ADAMTS5: variants seen among roughly 807,000 people sequenced by gnomAD.
The protein encoded by ADAMTS5 is A disintegrin and metalloproteinase with thrombospondin motifs 5.
A neutral mutation model predicts 81.4 loss-of-function variants in ADAMTS5; 54 were observed. The ratio of observed to expected loss-of-function variants is 0.66; its 90% CI spans 0.53 to 0.83. ADAMTS5 has a LOEUF of 0.83. ADAMTS5 is among the 40% of genes least tolerant of loss of function. The pLI, the probability that ADAMTS5 is intolerant of heterozygous loss-of-function variation, is 0.00. For synonymous variants in ADAMTS5, 532 were observed against 508.8 expected (o/e 1.05, Z -0.61); for missense variants, 1,194 against 1,229.9 (o/e 0.97, Z 0.44).
chr21:26,927,857 C>T (rs1986832863), intron 7 of ADAMTS5, among the ~76,000 whole-genome samples: 1 of 151,698 alleles, frequency 6.6e-6, no homozygotes, highest in Non-Finnish European at 1.5e-5. Flanking sequence ...GTGAGGGGCA[C>T]CCAGATTCTG....
At chr21:26,944,085 A>G (rs950043257) in intron 2 of ADAMTS5, among the ~76,000 whole-genome samples, 7 of 152,154 alleles carry the variant, frequency 4.6e-5, no homozygotes, top group African/African-American at 1.7e-4. Flanking sequence ...AAAAGGGAGG[A>G]CTAGGGGAGA....
rs756787283 is a variant in ADAMTS5 at position 26,934,687 on chromosome 21, T to A, written c.1468A>T (p.Thr490Ser). Residue 490 changes from threonine (T) to serine (S), a missense_variant, in exon 4 of 8, where the codon ACC (threonine) becomes TCC (serine). Around this residue, in one of 2 missense-constraint regions of ADAMTS5, gnomAD observed 696 missense variants for 817.6 expected, o/e 0.85. Coordinates refer to ENST00000284987, the MANE Select transcript of ADAMTS5 (RefSeq NM_007038.5). ...TTGCACTGCTGGGTGGCATCGTAGG[T>A]CTGTCCTGGGAGTTCTTCGGGGCCC... ...ILGPEELPGQTYDATQQCNLT... is the reference protein window; with the variant it reads ...ILGPEELPGQSYDATQQCNLT... 6.2e-7 allele frequency: 1 copy of A among 1,614,168 alleles called. No individual in the cohort carries two copies. Among genetic ancestry groups the A allele is most frequent in the South Asian group, 1.1e-5 (1 of 91,086 alleles).
chr21:26,966,197 C>A lies in ADAMTS5; in HGVS notation c.195G>T (p.Ala65=). ...AEPPGHPHPL[A]QRRRSKGLVQ... is the part of the protein sequence containing the mutation. The stretch of plus-strand genomic sequence containing the variant: ...CCAGCCCCTTGCTCCTGCGCCGCTG[C>A]GCCAGGGGGTGCGGGTGGCCGGGAG... The change falls in exon 1 of 8, where the codon GCG becomes GCT. Residue 65 remains alanine (A), a synonymous_variant. Coordinates refer to ENST00000284987, the MANE Select transcript of ADAMTS5 (RefSeq NM_007038.5). The A allele has an allele frequency of 6.3e-7, 1 of 1,597,760 alleles. No homozygotes were observed. The highest frequency in any genetic ancestry group is 8.5e-7 in the Non-Finnish European group (1 of 1,172,372).
rs1345780823 is a variant in ADAMTS5 at position 26,920,743 on chromosome 21, A to G, written c.*3310T>C. The G allele has an allele frequency of 6.6e-6, 1 of 152,126 alleles. No homozygotes were observed. Among genetic ancestry groups the G allele is most frequent in the Admixed American group, 6.6e-5 (1 of 15,258 alleles). The allele number at this position is 152,126 out of a possible 1,614,324, so 9.4% of individuals were successfully genotyped here. On this transcript the variant is annotated 3_prime_UTR_variant, in exon 8 of 8. Transcript: ENST00000284987. ...TAAAACTTGCACCTTGTTTCATTGA[A>G]TAAGTGTTTTTCTTATTTGTGACTT... is the stretch of plus-strand genomic sequence containing the variant.
At chr21:26,956,401 C>G (rs1276991890) in intron 1 of ADAMTS5, among the ~76,000 whole-genome samples, 1 of 152,154 alleles carries the variant, frequency 6.6e-6, no homozygotes, top group East Asian at 1.9e-4. Flanking sequence ...GTCACAAAAC[C>G]AACAGCCTTC....
Position 26,964,990 on chromosome 21 carries a change from TCCTTGTG to T in ADAMTS5, c.1104+291_1104+297del, listed in dbSNP as rs570693787. Among the ~76,000 whole-genome samples, 13 of 152,308 alleles carry T rather than the reference TCCTTGTG, an allele frequency of 8.5e-5. No homozygotes were observed. In the South Asian group the frequency reaches 2.1e-3, roughly 24 times the overall value. ...TTTAACTGTATCATTTCCCCAAGCA[TCCTTGTG>T]CCTTCTTATGTTTACGTTCCTATGC... On this transcript the variant is annotated intron_variant, in intron 1 of 7. Coordinates refer to ENST00000284987, the MANE Select transcript of ADAMTS5 (RefSeq NM_007038.5).
chr21:26,939,921 A>C (rs969629164), intron 3 of ADAMTS5, among the ~76,000 whole-genome samples: 1 of 152,226 alleles, frequency 6.6e-6, no homozygotes, highest in African/African-American at 2.4e-5. Flanking sequence ...GGGGGGTCCC[A>C]TGAGACATGG....
At chr21:26,927,582 G>A (rs1436833345) in intron 7 of ADAMTS5, among the ~76,000 whole-genome samples, 1 of 152,182 alleles carries the variant, frequency 6.6e-6, no homozygotes, top group Admixed American at 6.5e-5. Flanking sequence ...GTGTAGAAAA[G>A]ACATAGAGGA....
At chr21:26,932,489 T>G (rs1986929497) in intron 5 of ADAMTS5, among the ~76,000 whole-genome samples, 1 of 152,006 alleles carries the variant, frequency 6.6e-6, no homozygotes, top group African/African-American at 2.4e-5. Flanking sequence ...GTCAGGAGTG[T>G]GAGACCAGTC....
chr21:26,933,067 T>A, intron 4 of ADAMTS5, 23 bp from the exon 5 acceptor site: 1 of 1,589,670 alleles, frequency 6.3e-7, no homozygotes, highest in Non-Finnish European at 8.5e-7. Context: ...ATAGAATATA[T>A]TTTAACTCCA....
intron 1 of ADAMTS5, among the ~76,000 whole-genome samples, chr21:26,955,108 G>A (rs1987398970): frequency 6.6e-6 from 1 of 152,134 alleles, no homozygotes; most frequent in African/African-American, 2.4e-5. Context: ...TCTTAGGATT[G>A]TAACTTGTCT....
At chr21:26,958,017 A>C (rs573887428) in intron 1 of ADAMTS5, among the ~76,000 whole-genome samples, 1 of 152,318 alleles carries the variant, frequency 6.6e-6, no homozygotes, top group South Asian at 2.1e-4. Context: ...TGCCTTGAGA[A>C]GCAGATGCTC....
chr21:26,962,454 G>T (rs1195811156), intron 1 of ADAMTS5, among the ~76,000 whole-genome samples: 1 of 152,186 alleles, frequency 6.6e-6, no homozygotes, highest in Non-Finnish European at 1.5e-5. Context: ...TGGAGTGCTG[G>T]GTACAGTCCT....
intron 3 of ADAMTS5, among the ~76,000 whole-genome samples, chr21:26,935,271 C>A (rs1024429065): frequency 6.6e-6 from 1 of 152,114 alleles, no homozygotes; most frequent in African/African-American, 2.4e-5. Flanking sequence ...TAAATAATAG[C>A]CAAGCTGGCT....
At chr21:26,954,149 A>G (rs1412256072) in intron 2 of ADAMTS5, 1 of 152,112 alleles carries the variant, frequency 6.6e-6, no homozygotes, top group Non-Finnish European at 1.5e-5. Context: ...TCCTCTATTT[A>G]TAGATGTAGG....
Position 26,932,869 on chromosome 21 carries a change from G to A in ADAMTS5, c.1865C>T (p.Pro622Leu). The change falls in exon 5 of 8, where the codon CCA (proline) becomes CTA (leucine). Residue 622 changes from proline to leucine, a missense_variant. Transcript: ENST00000284987. ...IYRSCSLMPC[P>L]PNGKSFRHEQ... ...ACTTGGGAGCAGCGTACCATTGGGT[G>A]GGCAGGGCATGAGACTGCAGGAGCG... The A allele has an allele frequency of 1.9e-6, 3 of 1,608,540 alleles. No individual in the cohort carries two copies. Among genetic ancestry groups the A allele is most frequent in the Non-Finnish European group, 2.5e-6 (3 of 1,178,156 alleles).
chr21:26,955,810 ATG>A (rs902769178), intron 1 of ADAMTS5, among the ~76,000 whole-genome samples: 1 of 152,172 alleles, frequency 6.6e-6, no homozygotes, highest in Non-Finnish European at 1.5e-5. Context: ...TTTACTAACA[ATG>A]TGCTCATTTA....
chr21:26,932,232 T>C (rs1986924173), intron 5 of ADAMTS5, 53 bp from the exon 6 acceptor site: 1 of 1,554,250 alleles, frequency 6.4e-7, no homozygotes, highest in African/African-American at 1.4e-5. Flanking sequence ...AACTTAGATA[T>C]ATTCTTGTGG....
At chr21:26,931,160 C>A (rs1433263614) in intron 6 of ADAMTS5, among the ~76,000 whole-genome samples, 1 of 152,024 alleles carries the variant, frequency 6.6e-6, no homozygotes, top group Non-Finnish European at 1.5e-5. Flanking sequence ...GATTCTCCTG[C>A]CTCAGCCTCC....
Sources: gnomAD v4.1 joint callset for allele counts (sites outside exome capture counted in the v4.1 genomes callset) on GRCh38, gnomAD v4.1.1 for gene constraint, gnomAD v4.1.1 regional missense constraint, MANE v1.5 for transcripts, NCBI Gene and HGNC (gene_info 2026-07-23, HGNC 2026-07-21) for gene names.